IQCE: variants seen among roughly 807,000 people sequenced by gnomAD.
The protein encoded by IQCE is IQ motif containing E.
In IQCE, 115 loss-of-function variants were observed where a neutral mutation model predicts 96.0. The ratio of observed to expected loss-of-function variants is 1.20; its 90% CI spans 1.03 to 1.40. The LOEUF (loss-of-function observed/expected upper bound fraction) is 1.40. Among genes scored for constraint, IQCE ranks in the 40% most tolerant of loss-of-function variants. The pLI is 0.00. For synonymous variants in IQCE, 412 were observed against 371.2 expected, an observed-to-expected ratio of 1.11 and a Z score of -1.26; for missense variants, 1,041 against 909.1, an observed-to-expected ratio of 1.15 and a Z score of -1.87.
intron 21 of IQCE, among the ~76,000 whole-genome samples, chr7:2,608,349 C>G (rs1784968690): frequency 6.6e-6 from 1 of 152,216 alleles, no homozygotes; most frequent in African/African-American, 2.4e-5. Context: ...CCAGGGGGTC[C>G]CGCTAGGGGC....
intron 3 of IQCE, 141 bp from the exon 4 acceptor site, chr7:2,571,383 CTT>C (rs1463255202): frequency 2.9e-6 from 3 of 1,024,410 alleles, no homozygotes. Flanking sequence ...TAAAGTAACT[CTT>C]TTTTCATTTT....
intron 1 of IQCE, chr7:2,566,417 T>C (rs576716332): frequency 7.9e-5 from 12 of 151,510 alleles, no homozygotes; most frequent in African/African-American, 2.9e-4. Context: ...AAATGCCTTC[T>C]CATTGTAATG....
rs964764353 is a variant in IQCE, at chr7:2,559,319, G to A, written c.36+102G>A. 8.5e-6 allele frequency: 5 copies of A among 587,458 alleles called. No individual in the cohort carries two copies. The Admixed American group carries it at 1.4e-4, about 17-fold the overall frequency. The allele number at this position is 587,458 out of a possible 1,614,324, so 36.4% of individuals were successfully genotyped here. A position where few individuals can be genotyped will look rare whatever the true frequency, so the allele number is the denominator to read the frequency against. On this transcript the variant is annotated intron_variant, in intron 1 of 21. Transcript: ENST00000402050. ...GGCCCCGCGCAGGGGCCGGCCCGGG[G>A]CGTGAGGACGGGGCGCACGGCCGGG... is the stretch of plus-strand genomic sequence containing the variant.
Position 2,586,325 on chromosome 7 carries a change from C to T in IQCE, c.942C>T (p.Asp314=), listed in dbSNP as rs1194909645. 5 of 1,613,746 alleles carry T rather than the reference C, an allele frequency of 3.1e-6. No homozygotes were observed. The highest frequency in any genetic ancestry group is 4.2e-6 in the Non-Finnish European group (5 of 1,179,920). ...AAGAGAACCAGAGCCTGAAGGAGGACCTGGACCGCGTGCTGAGCACCTCCC... is the reference window on the plus strand; with the variant it reads ...AAGAGAACCAGAGCCTGAAGGAGGATCTGGACCGCGTGCTGAGCACCTCCC... ...LTEENQSLKE[D]LDRVLSTSPT... is the part of the protein sequence containing the mutation. Residue 314 remains aspartate (D), a synonymous_variant, in exon 12 of 22, where the codon GAC becomes GAT. Transcript: ENST00000402050.
chr7:2,608,377 C>A (rs1397759395), intron 21 of IQCE, among the ~76,000 whole-genome samples: 3 of 152,238 alleles, frequency 2.0e-5, no homozygotes, highest in Non-Finnish European at 2.9e-5. Context: ...TAGAGAGTCT[C>A]CTGCACGAGC....
intron 18 of IQCE, among the ~76,000 whole-genome samples, chr7:2,604,078 T>A (rs1358022823): frequency 6.7e-6 from 1 of 150,214 alleles, no homozygotes. Context: ...AACCTCTGCC[T>A]CCCAGGTTCA....
At chr7:2,582,730 C>T (rs1390710188) in intron 9 of IQCE, 80 bp downstream of exon 9, 5 of 1,283,102 alleles carry the variant, frequency 3.9e-6, no homozygotes, top group Non-Finnish European at 4.5e-6. Flanking sequence ...GTTCCTCCCC[C>T]ACCCCGTCCT....
intron 10 of IQCE, among the ~76,000 whole-genome samples, chr7:2,583,961 G>A (rs534870521): frequency 8.7e-4 from 102 of 116,720 alleles, no homozygotes; most frequent in Non-Finnish European, 1.5e-3. Context: ...GCGGCGGGGC[G>A]GAGGGCGGGC....
At chr7:2,592,285 T>C (rs1783661772) in intron 14 of IQCE, among the ~76,000 whole-genome samples, 1 of 152,228 alleles carries the variant, frequency 6.6e-6, no homozygotes, top group Non-Finnish European at 1.5e-5. Context: ...ACGACAAGCT[T>C]TTCCAATTAA....
intron 17 of IQCE, among the ~76,000 whole-genome samples, chr7:2,600,381 A>G (rs959790848): frequency 6.6e-6 from 1 of 152,192 alleles, no homozygotes; most frequent in African/African-American, 2.4e-5. Flanking sequence ...GGCTTTCGCC[A>G]TTTTAAAGAA....
At chr7:2,607,723 A>G (rs1384213850) in intron 21 of IQCE, among the ~76,000 whole-genome samples, 2 of 152,146 alleles carry the variant, frequency 1.3e-5, no homozygotes, top group African/African-American at 4.8e-5. Context: ...TGTTTAAAGT[A>G]GAGAACGGGC....
At chr7:2,606,994 C>T (rs148165642) in intron 20 of IQCE, 130 bp from the exon 21 acceptor site, 20 of 814,004 alleles carry the variant, frequency 2.5e-5, no homozygotes, top group South Asian at 9.5e-5. Flanking sequence ...TCGTGGGGCT[C>T]GGGACTGGCT....
At chr7:2,605,015 C>G in intron 19 of IQCE, 24 bp downstream of exon 19, 1 of 1,519,816 alleles carries the variant, frequency 6.6e-7, no homozygotes. Flanking sequence ...GCTGGACGTC[C>G]CAGTGGCCAT....
chr7:2,560,673 C>G (rs1182754120), intron 1 of IQCE, among the ~76,000 whole-genome samples: 1 of 151,234 alleles, frequency 6.6e-6, no homozygotes, highest in African/African-American at 2.4e-5. Context: ...GACAGAGTCT[C>G]TTGGCCGGGC....
chr7:2,565,595 GT>G (rs1781313546), intron 1 of IQCE, among the ~76,000 whole-genome samples: 1 of 152,142 alleles, frequency 6.6e-6, no homozygotes, highest in Non-Finnish European at 1.5e-5. Context: ...TTTCCCCTCT[GT>G]TCTCTGCAGG....
intron 1 of IQCE, among the ~76,000 whole-genome samples, chr7:2,560,904 C>T (rs1780900220): frequency 6.8e-6 from 1 of 147,212 alleles, no homozygotes; most frequent in Admixed American, 6.9e-5. Context: ...TTGCAGCGAG[C>T]CAAGATCGTG....
rs142541188 is a variant in IQCE at position 2,590,821 on chromosome 7, A to C, written c.1244+715A>C. 6.2e-3 allele frequency among the ~76,000 whole-genome samples: 951 copies of C among 152,240 alleles called. 13 individuals are homozygous for C. The highest frequency in any genetic ancestry group is 0.021 in the African/African-American group (892 of 41,532). On this transcript the variant is annotated intron_variant, in intron 14 of 21. Transcript: ENST00000402050. ...TAAATCTCTCTACCCTGAATTCCAG[A>C]GGAATCTTCAAATTGTCTGTTAGAG...
At chr7:2,605,844 C>T (rs1163066539) in intron 19 of IQCE, 32 bp from the exon 20 acceptor site, 2 of 1,518,896 alleles carry the variant, frequency 1.3e-6, no homozygotes, top group Non-Finnish European at 8.9e-7. Flanking sequence ...GGCTGCCAAA[C>T]AGTCGTCTTC....
chr7:2,582,835 A>G (rs75392615), intron 9 of IQCE, among the ~76,000 whole-genome samples, 185 bp downstream of exon 9: 2,637 of 151,932 alleles, frequency 0.017, 84 homozygotes, highest in African/African-American at 0.06. Flanking sequence ...ATTCCCTTTA[A>G]CTTCTTCCTG....
Sources: allele counts gnomAD v4.1 joint callset (sites outside exome capture counted in the v4.1 genomes callset), GRCh38; gene constraint gnomAD v4.1.1; transcripts MANE v1.5; gene names NCBI Gene and HGNC (gene_info 2026-07-23, HGNC 2026-07-21).